The following TTF1 variants were observed in gnomAD, a reference collection of about 807,000 sequenced individuals.
TTF1 encodes transcription termination factor 1, also known as transcription termination factor, RNA polymerase I.
In TTF1, 64 loss-of-function variants were observed where a neutral mutation model predicts 80.2. The observed-to-expected ratio is 0.80, with a 90% CI of 0.65 to 0.98. TTF1 has a LOEUF of 0.98. Ranked by LOEUF, TTF1 falls within the 50% of genes least tolerant of loss-of-function variation. The pLI is 0.00. For missense variants in TTF1, 1,023 were observed against 1,086.2 expected (o/e 0.94, Z 0.82); for synonymous variants, 372 against 382.7 (o/e 0.97, Z 0.33).
intron 9 of TTF1, among the ~76,000 whole-genome samples, chr9:132,381,161 G>A (rs1416684728): frequency 6.6e-6 from 1 of 151,430 alleles, no homozygotes; most frequent in Non-Finnish European, 1.5e-5. Context: ...CTGAAGAAAT[G>A]TCACAAAGCA....
intron 5 of TTF1, among the ~76,000 whole-genome samples, chr9:132,394,622 GT>G (rs1468862678): frequency 2.6e-5 from 4 of 152,136 alleles, no homozygotes; most frequent in Non-Finnish European, 5.9e-5. Flanking sequence ...GCCAGGTGTG[GT>G]GGCTCAAGCC....
chr9:132,377,107 T>C (rs560051596), intron 10 of TTF1, among the ~76,000 whole-genome samples: 1 of 152,210 alleles, frequency 6.6e-6, no homozygotes, highest in Admixed American at 6.5e-5. Context: ...AATATGTGTA[T>C]GCTTCTGTGT....
chr9:132,376,210 A>C lies in TTF1; in HGVS notation c.2465-42T>G, dbSNP rs915415896. ...TAATTGTGCAGTTATCTGTCTGTAC[A>C]AGGCCTCTTATCAAGGTCGAGGCAT... On this transcript the variant is annotated intron_variant, in intron 10 of 10. Transcript: ENST00000334270. 5.1e-6 allele frequency: 8 copies of C among 1,578,552 alleles called. 1 individual carries two copies. Among genetic ancestry groups the C allele is most frequent in the Middle Eastern group, 1.7e-4 (1 of 5,842 alleles).
chr9:132,401,757 A>G lies in TTF1; in HGVS notation c.1065T>C (p.Ser355=), dbSNP rs961285644. ...CCACCTGTGATCCTTCAGGGTATGCACTCTCGAGGCTCTCAGGCATGGCCA... is the reference window on the plus strand; with the variant it reads ...CCACCTGTGATCCTTCAGGGTATGCGCTCTCGAGGCTCTCAGGCATGGCCA... ...EAVAMPESLE[S]AYPEGSQVGS... Residue 355 remains serine (S), a synonymous_variant, in exon 2 of 11, where the codon AGT becomes AGC. Transcript: ENST00000334270. The G allele has an allele frequency of 4.3e-6, 7 of 1,613,208 alleles. No individual in the cohort carries two copies. Among genetic ancestry groups the G allele is most frequent in the Non-Finnish European group, 5.1e-6 (6 of 1,179,832 alleles).
Position 132,376,029 on chromosome 9 carries a change from A to C in TTF1, c.2604T>G (p.Tyr868Ter). 1 of 1,614,202 alleles carries C rather than the reference A, an allele frequency of 6.2e-7. No homozygotes were observed. The highest frequency in any genetic ancestry group is 8.5e-7 in the Non-Finnish European group (1 of 1,180,034). Residue 868 changes from tyrosine (Y) to a stop codon, truncating the protein, a stop_gained, in exon 11 of 11, where the codon TAT becomes TAG. Transcript: ENST00000334270. LOFTEE classifies it low-confidence loss of function (END_TRUNC). ...TGTCCTCTCCTTCACTATCGTCTTC[A>C]TAATAAAAGATGTCTCGAAATGGGA... ...QVFPFRDIFY[Y>*]EDDSEGEDIE...
intron 10 of TTF1, among the ~76,000 whole-genome samples, chr9:132,378,121 ATGCATGTGGTGTGTGTGAG>A (rs1205743595): frequency 0.071 from 4,007 of 56,692 alleles, 106 homozygotes; most frequent in Non-Finnish European, 0.086. Flanking sequence ...GTGTGAGTGC[ATGCATGTGGTGTGTGTGAG>A]TGCATGTGGT....
chr9:132,383,627 T>C (rs938283054), intron 9 of TTF1, among the ~76,000 whole-genome samples: 1 of 152,208 alleles, frequency 6.6e-6, no homozygotes. Context: ...TTTAAGAGAC[T>C]TTGCATACAT....
At chr9:132,397,145 G>A (rs189053811) in intron 4 of TTF1, among the ~76,000 whole-genome samples, 17 of 152,304 alleles carry the variant, frequency 1.1e-4, no homozygotes, top group Admixed American at 5.2e-4. Flanking sequence ...TATGCAATTT[G>A]TGGAAAGAAT....
At chr9:132,388,000 T>G in intron 8 of TTF1, 139 bp downstream of exon 8, 1 of 581,224 alleles carries the variant, frequency 1.7e-6, no homozygotes, top group South Asian at 2.2e-5. Context: ...GGGTAGGTCA[T>G]ATGCCCACAA....
intron 10 of TTF1, 78 bp from the exon 11 acceptor site, chr9:132,376,246 G>A: frequency 6.9e-7 from 1 of 1,452,602 alleles, no homozygotes; most frequent in Non-Finnish European, 9.2e-7. Context: ...ACAGGAGGCT[G>A]GTAATGAATA....
rs1301930935 is a variant in TTF1 at position 132,401,835 on chromosome 9, T to C, written c.987A>G (p.Lys329=). 6.2e-7 allele frequency: 1 copy of C among 1,613,938 alleles called. No homozygotes were observed. The highest frequency in any genetic ancestry group is 2.2e-5 in the East Asian group (1 of 44,880). The change falls in exon 2 of 11, where the codon AAA becomes AAG. Residue 329 remains lysine (K), a synonymous_variant. Coordinates refer to ENST00000334270, the MANE Select transcript of TTF1 (RefSeq NM_007344.4). ...TTTTCTTTTTTTTCTTAGACTTGTTTTTATAAGCAGGTGCTGGTATTCCTG... is the reference window on the plus strand; with the variant it reads ...TTTTCTTTTTTTTCTTAGACTTGTTCTTATAAGCAGGTGCTGGTATTCCTG... ...ETAGIPAPAY[K]NKSKKKKKKS... is the part of the protein sequence containing the mutation.
rs1324813507 is a variant in TTF1 at position 132,402,063 on chromosome 9, G to C, written c.759C>G (p.Ser253=). The C allele has an allele frequency of 1.2e-6, 2 of 1,613,930 alleles. No homozygotes were observed. The highest frequency in any genetic ancestry group is 2.7e-5 in the African/African-American group (2 of 74,850). ...GREAGTDMQE[S]QPTVGLDDET... Reference sequence around the variant, plus strand: ...CATCATCCAAGCCCACAGTAGGCTGGGATTCCTGCATATCAGTCCCGGCCT... The same window carrying C: ...CATCATCCAAGCCCACAGTAGGCTGCGATTCCTGCATATCAGTCCCGGCCT... Residue 253 remains serine (S), a synonymous_variant, in exon 2 of 11, where the codon TCC becomes TCG. Transcript: ENST00000334270.
Position 132,400,028 on chromosome 9 carries a change from A to G in TTF1, c.1591+7T>C. On this transcript the variant is annotated splice_region_variant and intron_variant, in intron 3 of 10. Coordinates refer to ENST00000334270, the MANE Select transcript of TTF1 (RefSeq NM_007344.4). The stretch of plus-strand genomic sequence containing the variant: ...GTTCAACAAACACTAAGGCCCCACA[A>G]GCTCACCTTGTGCTTTAAATTCCTT... The G allele has an allele frequency of 6.2e-7, 1 of 1,614,172 alleles. No individual in the cohort carries two copies. The highest frequency in any genetic ancestry group is 8.5e-7 in the Non-Finnish European group (1 of 1,179,998).
chr9:132,378,069 TGTG>T (rs148425951), intron 10 of TTF1, among the ~76,000 whole-genome samples: 7,580 of 107,974 alleles, frequency 0.07, 716 homozygotes, highest in East Asian at 0.11. Flanking sequence ...TGTGAGTGCA[TGTG>T]GTGTGTGTGA....
At position 132,395,482 on chromosome 9, in the gene TTF1, A is replaced by G. The variant is rs560625243; in HGVS notation, c.1856+951T>C. On this transcript the variant is annotated intron_variant, in intron 5 of 10. Transcript: ENST00000334270. Reference sequence around the variant, plus strand: ...ATTAACCTGCCAAAAGCATTCTTGTAAGTCCCATTTAAAATGTTACCTTTA... The same window carrying G: ...ATTAACCTGCCAAAAGCATTCTTGTGAGTCCCATTTAAAATGTTACCTTTA... Among the ~76,000 whole-genome samples, 4 of 152,298 alleles carry G rather than the reference A, an allele frequency of 2.6e-5. No homozygotes were observed. In the South Asian group the frequency reaches 8.3e-4, roughly 32 times the overall value.
intron 1 of TTF1, among the ~76,000 whole-genome samples, chr9:132,403,388 C>T (rs1206383607): frequency 6.6e-6 from 1 of 152,154 alleles, no homozygotes; most frequent in Non-Finnish European, 1.5e-5. Context: ...CCCACAGCCT[C>T]ACCTCTGAAC....
chr9:132,377,610 A>G (rs1211499546), intron 10 of TTF1, among the ~76,000 whole-genome samples: 1,738 of 34,578 alleles, frequency 0.05, 201 homozygotes, highest in Middle Eastern at 0.094. Context: ...GTGTGTGTGA[A>G]TGCATGTGGT....
Position 132,406,109 on chromosome 9 carries a change from T to C in TTF1, c.-8+681A>G, listed in dbSNP as rs140017100. Among the ~76,000 whole-genome samples the C allele has an allele frequency of 3.1e-3, 473 of 152,292 alleles. 2 individuals are homozygous for C. Among genetic ancestry groups the C allele is most frequent in the African/African-American group, 0.011 (459 of 41,560 alleles). On this transcript the variant is annotated intron_variant, in intron 1 of 10. Coordinates refer to ENST00000334270, the MANE Select transcript of TTF1 (RefSeq NM_007344.4). ...TCCCCAGTCAGTGCTCGATACATAT[T>C]GAGAACGGATATGCATTTATCCCCC...
intron 9 of TTF1, 56 bp downstream of exon 9, chr9:132,386,500 A>G: frequency 7.4e-7 from 1 of 1,343,230 alleles, no homozygotes; most frequent in Non-Finnish European, 1.1e-6. Flanking sequence ...GAGTTATTGT[A>G]TTTATTAAGT....
Sources: allele counts gnomAD v4.1 joint callset (sites outside exome capture counted in the v4.1 genomes callset), GRCh38; gene constraint gnomAD v4.1.1; transcripts MANE v1.5; gene names NCBI Gene and HGNC (gene_info 2026-07-23, HGNC 2026-07-21).